PTPRT: variants seen among roughly 807,000 people sequenced by gnomAD.
PTPRT encodes the protein protein tyrosine phosphatase receptor type T.
In PTPRT, 56 loss-of-function variants were observed where a neutral mutation model predicts 176.8. The ratio of observed to expected loss-of-function variants is 0.32; its 90% CI spans 0.26 to 0.40. The LOEUF (loss-of-function observed/expected upper bound fraction) is 0.40. Among genes scored for constraint, PTPRT ranks in the 10% least tolerant of loss-of-function variants. PTPRT has a pLI of 1.00. For missense variants in PTPRT, 1,540 were observed against 1,908.2 expected, an observed-to-expected ratio of 0.81 and a Z score of 3.60; for synonymous variants, 783 against 739.0, an observed-to-expected ratio of 1.06 and a Z score of -0.96.
intron 12 of PTPRT, among the ~76,000 whole-genome samples, chr20:42,300,257 CA>C (rs761176814): frequency 0.032 from 1,591 of 49,646 alleles, 13 homozygotes; most frequent in African/African-American, 0.072. Flanking sequence ...AACTCCGTCT[CA>C]AAAAAAAAAA....
intron 7 of PTPRT, among the ~76,000 whole-genome samples, chr20:42,487,562 T>A (rs891345795): frequency 6.6e-6 from 1 of 152,142 alleles, no homozygotes; most frequent in Non-Finnish European, 1.5e-5. Flanking sequence ...CATGTACTCA[T>A]AAGGGTCCTT....
intron 3 of PTPRT, among the ~76,000 whole-genome samples, chr20:42,789,199 A>T (rs2077337159): frequency 6.6e-6 from 1 of 152,222 alleles, no homozygotes; most frequent in South Asian, 2.1e-4. Flanking sequence ...ACAGGGAGAG[A>T]ACAGAAAACA....
intron 16 of PTPRT, among the ~76,000 whole-genome samples, chr20:42,184,710 C>T (rs1990699995): frequency 3.3e-5 from 5 of 150,958 alleles, no homozygotes; most frequent in African/African-American, 1.2e-4. Context: ...TCACTGTAAC[C>T]TCCACCTCCT....
At chr20:42,282,973 C>T (rs2057165388) in intron 12 of PTPRT, among the ~76,000 whole-genome samples, 1 of 152,180 alleles carries the variant, frequency 6.6e-6, no homozygotes, top group African/African-American at 2.4e-5. Context: ...GGAAGAGATA[C>T]TTGGCAATAG....
chr20:42,872,484 T>C (rs1489926918), intron 2 of PTPRT, among the ~76,000 whole-genome samples: 1 of 152,212 alleles, frequency 6.6e-6, no homozygotes, highest in East Asian at 1.9e-4. Flanking sequence ...TCAGGTGCCC[T>C]ACCTCCATAT....
intron 7 of PTPRT, among the ~76,000 whole-genome samples, chr20:42,569,832 C>A (rs141532022): frequency 6.6e-6 from 1 of 152,162 alleles, no homozygotes. Flanking sequence ...CATTTAGCCA[C>A]ATTTATGAGC....
chr20:42,910,777 G>A (rs1201383370), intron 1 of PTPRT, among the ~76,000 whole-genome samples: 2 of 152,208 alleles, frequency 1.3e-5, no homozygotes, highest in African/African-American at 4.8e-5. Flanking sequence ...AAAGAACATT[G>A]TATTAGTCTG....
intron 1 of PTPRT, among the ~76,000 whole-genome samples, chr20:42,972,227 T>C (rs1198422689): frequency 6.8e-6 from 1 of 148,146 alleles, no homozygotes; most frequent in East Asian, 2.1e-4. Flanking sequence ...GGTGTGAACT[T>C]TCACAAAGGC....
At chr20:42,653,268 T>C (rs2075065549) in intron 7 of PTPRT, among the ~76,000 whole-genome samples, 1 of 152,178 alleles carries the variant, frequency 6.6e-6, no homozygotes, top group Non-Finnish European at 1.5e-5. Flanking sequence ...TCCCCTTCCA[T>C]GCTTGTAAGT....
At chr20:43,028,230 G>A (rs1236383677) in intron 1 of PTPRT, among the ~76,000 whole-genome samples, 7 of 152,130 alleles carry the variant, frequency 4.6e-5, no homozygotes, top group African/African-American at 1.7e-4. Flanking sequence ...AACATATGGA[G>A]AGAGGCCCTT....
chr20:42,141,486 G>T lies in PTPRT; in HGVS notation c.2770+429C>A, dbSNP rs554444756. On this transcript the variant is annotated intron_variant, in intron 18 of 30. Coordinates refer to ENST00000373187, the MANE Select transcript of PTPRT (RefSeq NM_007050.6). ...GCTGGGGCCCATGCTCCTCACCCCA[G>T]GTTGCTGCCAAAGTCCTCCTTTGAA... 6.6e-5 allele frequency among the ~76,000 whole-genome samples: 10 copies of T among 152,314 alleles called. No homozygotes were observed. In the South Asian group the frequency reaches 2.1e-3, roughly 32 times the overall value.
chr20:43,117,907 C>T (rs921192492), intron 1 of PTPRT, among the ~76,000 whole-genome samples: 29 of 152,078 alleles, frequency 1.9e-4, no homozygotes, highest in African/African-American at 7.0e-4. Flanking sequence ...CTTCTTGTTC[C>T]TTTTGTAACT....
chr20:43,017,418 C>T (rs895251561), intron 1 of PTPRT, among the ~76,000 whole-genome samples: 124 of 152,160 alleles, frequency 8.1e-4, no homozygotes, highest in Non-Finnish European at 3.5e-4. Flanking sequence ...CTCCCTCCTC[C>T]GGCCCACCTC....
chr20:42,097,489 C>T (rs1020312660), intron 27 of PTPRT, among the ~76,000 whole-genome samples: 1 of 152,186 alleles, frequency 6.6e-6, no homozygotes, highest in African/African-American at 2.4e-5. Context: ...TCTTCCCTCA[C>T]CCTCTGGGCA....
intron 6 of PTPRT, among the ~76,000 whole-genome samples, chr20:42,713,493 A>G (rs2076176966): frequency 6.6e-6 from 1 of 152,156 alleles, no homozygotes; most frequent in African/African-American, 2.4e-5. Flanking sequence ...TATACATTGT[A>G]TTATCTGCCT....
intron 7 of PTPRT, among the ~76,000 whole-genome samples, chr20:42,599,769 A>G (rs1339773550): frequency 6.6e-6 from 1 of 152,126 alleles, no homozygotes; most frequent in East Asian, 1.9e-4. Context: ...CTGGGCATTA[A>G]TTTTACATTT....
At chr20:42,787,774 C>T (rs375247510) in intron 3 of PTPRT, among the ~76,000 whole-genome samples, 99 of 152,308 alleles carry the variant, frequency 6.5e-4, no homozygotes, top group African/African-American at 2.1e-3. Context: ...GTGGTAAAAC[C>T]TGAACACAGC....
intron 1 of PTPRT, among the ~76,000 whole-genome samples, chr20:42,904,939 T>C (rs1022739480): frequency 6.6e-6 from 1 of 152,172 alleles, no homozygotes; most frequent in African/African-American, 2.4e-5. Context: ...AAGACTTAAA[T>C]GTTAGACCTA....
At chr20:43,137,326 T>C (rs1291258541) in intron 1 of PTPRT, among the ~76,000 whole-genome samples, 4 of 152,214 alleles carry the variant, frequency 2.6e-5, no homozygotes, top group African/African-American at 9.6e-5. Flanking sequence ...GATCTGGCCC[T>C]CTGCCTTTTT....
Sources: gnomAD v4.1 joint callset for allele counts (sites outside exome capture counted in the v4.1 genomes callset) on GRCh38, gnomAD v4.1.1 for gene constraint, MANE v1.5 for transcripts, NCBI Gene and HGNC (gene_info 2026-07-23, HGNC 2026-07-21) for gene names.